The following PPP1R9A variants were observed in gnomAD, a reference collection of about 807,000 sequenced individuals.
PPP1R9A encodes the protein neurabin-1.
Under a neutral mutation model 141.9 loss-of-function variants are expected in PPP1R9A, and 59 were observed. The observed-to-expected ratio is 0.42, with a 90% CI of 0.34 to 0.52. PPP1R9A has a LOEUF of 0.52. Among genes scored for constraint, PPP1R9A ranks in the 20% least tolerant of loss-of-function variants. The probability of loss-of-function intolerance (pLI) is 0.10; values close to 1 mark genes in which losing one functional copy is unlikely to be tolerated. For synonymous variants in PPP1R9A, 500 were observed against 569.7 expected (o/e 0.88, Z 1.74); for missense variants, 1,444 against 1,611.9 (o/e 0.90, Z 1.78).
At chr7:94,987,186 C>T (rs1158925156) in intron 2 of PPP1R9A, among the ~76,000 whole-genome samples, 2 of 152,200 alleles carry the variant, frequency 1.3e-5, no homozygotes, top group African/African-American at 4.8e-5. Context: ...CGTTTTCAAA[C>T]CTTTTTCTCT....
At chr7:94,960,182 T>C (rs1471001977) in intron 2 of PPP1R9A, among the ~76,000 whole-genome samples, 1 of 151,184 alleles carries the variant, frequency 6.6e-6, no homozygotes, top group African/African-American at 2.4e-5. Flanking sequence ...TTTTTTTTTT[T>C]TTCTTCATGT....
chr7:95,095,817 A>G (rs1436282342), intron 2 of PPP1R9A, among the ~76,000 whole-genome samples: 1 of 152,192 alleles, frequency 6.6e-6, no homozygotes. Context: ...CAGTGTCCTC[A>G]TGTATATATG....
At chr7:95,197,073 A>T (rs535450937) in intron 5 of PPP1R9A, among the ~76,000 whole-genome samples, 1 of 152,188 alleles carries the variant, frequency 6.6e-6, no homozygotes, top group Admixed American at 6.5e-5. Context: ...AATTACTAAC[A>T]TCCAAGTGTG....
chr7:95,209,013 G>A (rs1010438868), intron 7 of PPP1R9A, among the ~76,000 whole-genome samples: 7 of 142,392 alleles, frequency 4.9e-5, no homozygotes, highest in Non-Finnish European at 7.5e-5. Flanking sequence ...CTCCAGAAGA[G>A]TAAGCAACTG....
At chr7:95,118,520 C>G (rs1821918763) in intron 3 of PPP1R9A, among the ~76,000 whole-genome samples, 1 of 152,124 alleles carries the variant, frequency 6.6e-6, no homozygotes, top group South Asian at 2.1e-4. Flanking sequence ...CTCTAGCATA[C>G]CACTGAGCAA....
At chr7:95,025,185 G>C (rs1806639695) in intron 2 of PPP1R9A, among the ~76,000 whole-genome samples, 1 of 151,948 alleles carries the variant, frequency 6.6e-6, no homozygotes, top group South Asian at 2.1e-4. Context: ...TCCTGCCTCA[G>C]CCTCCCGAGT....
At chr7:94,944,445 A>ACCCCCCCCCC (rs1010581987) in intron 2 of PPP1R9A, among the ~76,000 whole-genome samples, 10 of 125,442 alleles carry the variant, frequency 8.0e-5, no homozygotes, top group Non-Finnish European at 1.2e-4. Context: ...AGAAATATCC[A>ACCCCCCCCCC]CCCCCCCACC....
chr7:95,289,442 G>C (rs1276897932), intron 19 of PPP1R9A, among the ~76,000 whole-genome samples: 2 of 152,186 alleles, frequency 1.3e-5, no homozygotes, highest in Non-Finnish European at 2.9e-5. Context: ...GTCCCTGTTG[G>C]GGAGATAGAT....
At chr7:95,225,590 C>T (rs1487992131) in intron 7 of PPP1R9A, among the ~76,000 whole-genome samples, 1 of 152,124 alleles carries the variant, frequency 6.6e-6, no homozygotes, top group African/African-American at 2.4e-5. Context: ...CTTTTCATTG[C>T]TCTCAGTATT....
At chr7:95,180,893 A>G (rs1037439233) in intron 5 of PPP1R9A, among the ~76,000 whole-genome samples, 1 of 152,074 alleles carries the variant, frequency 6.6e-6, no homozygotes, top group African/African-American at 2.4e-5. Flanking sequence ...ACATGGATGC[A>G]GTGATCATGG....
intron 7 of PPP1R9A, among the ~76,000 whole-genome samples, chr7:95,209,268 T>C (rs554669587): frequency 6.6e-6 from 1 of 152,328 alleles, no homozygotes; most frequent in African/African-American, 2.4e-5. Context: ...TAGTTCCTGC[T>C]CTCTGAGGAC....
chr7:94,922,185 G>T lies in PPP1R9A; in HGVS notation c.1395+10677G>T, dbSNP rs542476414. Among the ~76,000 whole-genome samples the T allele has an allele frequency of 2.0e-3, 296 of 151,020 alleles. 2 individuals carry two copies. The highest frequency in any genetic ancestry group is 6.7e-3 in the African/African-American group (278 of 41,268). On this transcript the variant is annotated intron_variant, in intron 2 of 19. Coordinates refer to ENST00000433360, the MANE Select transcript of PPP1R9A (RefSeq NM_001166160.2). ...GCCCTTTATATATAATTCAGAAAGG[G>T]TGAATTATATTGTTATTGCCGGAAT...
At chr7:95,181,317 G>T (rs1361309704) in intron 5 of PPP1R9A, among the ~76,000 whole-genome samples, 66 of 137,188 alleles carry the variant, frequency 4.8e-4, no homozygotes, top group Non-Finnish European at 4.3e-4. Context: ...AATATATATA[G>T]AATATATATA....
intron 2 of PPP1R9A, among the ~76,000 whole-genome samples, chr7:94,968,950 T>G (rs1798554863): frequency 6.6e-6 from 1 of 152,048 alleles, no homozygotes; most frequent in Non-Finnish European, 1.5e-5. Flanking sequence ...GATACTTGTG[T>G]ATGCTTCACG....
chr7:95,062,603 G>C (rs1445157267), intron 2 of PPP1R9A, among the ~76,000 whole-genome samples: 2 of 151,884 alleles, frequency 1.3e-5, no homozygotes, highest in African/African-American at 4.8e-5. Context: ...GGCCAGGCTG[G>C]TCTTGAACTC....
Position 95,252,187 on chromosome 7 carries a change from A to G in PPP1R9A, c.2665+57A>G, listed in dbSNP as rs938719461. On this transcript the variant is annotated intron_variant, in intron 12 of 19. Transcript: ENST00000433360. The stretch of plus-strand genomic sequence containing the variant: ...TGATGACTGTGTAATTTGGCCTTTT[A>G]TTTTTCTTTTTCTGACCCAGAGATT... 4.8e-6 allele frequency: 7 copies of G among 1,459,500 alleles called. No homozygotes were observed. In the African/African-American group the frequency reaches 8.6e-5, roughly 18 times the overall value. 90.4% of individuals were successfully genotyped at this position (1,459,500 alleles called of 1,614,324 possible).
chr7:95,123,929 C>T (rs777348369), intron 4 of PPP1R9A, among the ~76,000 whole-genome samples: 1 of 151,996 alleles, frequency 6.6e-6, no homozygotes, highest in East Asian at 1.9e-4. Context: ...GGAGAAGCCT[C>T]ATGGAAAACT....
rs4729169 is a variant in PPP1R9A, at chr7:95,017,059, C to G, written c.1396-94200C>G. On this transcript the variant is annotated intron_variant, in intron 2 of 19. Coordinates refer to ENST00000433360, the MANE Select transcript of PPP1R9A (RefSeq NM_001166160.2). ...TGGAGACAGATACTGGAATTATATTCCCTCAAGCCAAGGAACTTCTAGGAC... is the reference window on the plus strand; with the variant it reads ...TGGAGACAGATACTGGAATTATATTGCCTCAAGCCAAGGAACTTCTAGGAC... Among the ~76,000 whole-genome samples, 594 of 152,180 alleles carry G rather than the reference C, an allele frequency of 3.9e-3. 23 individuals are homozygous for G. Among genetic ancestry groups the G allele is most frequent in the East Asian group, 0.036 (188 of 5,172 alleles).
chr7:95,130,766 A>G (rs1245979501), intron 4 of PPP1R9A, among the ~76,000 whole-genome samples: 1 of 152,116 alleles, frequency 6.6e-6, no homozygotes, highest in Non-Finnish European at 1.5e-5. Context: ...GTCAAAGGAG[A>G]TCATTTTGGA....
Sources: allele counts gnomAD v4.1 joint callset (sites outside exome capture counted in the v4.1 genomes callset), GRCh38; gene constraint gnomAD v4.1.1; transcripts MANE v1.5; gene names NCBI Gene and HGNC (gene_info 2026-07-23, HGNC 2026-07-21).